The following CORIN variants were observed in gnomAD, a reference collection of about 807,000 sequenced individuals.
The protein encoded by CORIN is atrial natriuretic peptide-converting enzyme.
In CORIN, 117 loss-of-function variants were observed where a neutral mutation model predicts 125.3. That is an observed-to-expected ratio of 0.93 (90% CI 0.80 to 1.09). The LOEUF (loss-of-function observed/expected upper bound fraction) is 1.09. Ranked by LOEUF, CORIN falls within the 50% of genes least tolerant of loss-of-function variation. The pLI is 0.00. For synonymous variants in CORIN, 450 were observed against 466.4 expected (o/e 0.96, Z 0.45); for missense variants, 1,253 against 1,306.7 (o/e 0.96, Z 0.63).
intron 4 of CORIN, among the ~76,000 whole-genome samples, chr4:47,750,262 G>A (rs1054757194): frequency 3.3e-5 from 5 of 152,172 alleles, no homozygotes; most frequent in Non-Finnish European, 2.9e-5. Flanking sequence ...TCCACTAAAC[G>A]TGGGGATGGA....
chr4:47,643,671 A>G (rs914814923), intron 14 of CORIN, among the ~76,000 whole-genome samples: 2 of 152,144 alleles, frequency 1.3e-5, no homozygotes, highest in African/African-American at 4.8e-5. Context: ...TTCCATCTCT[A>G]TTATTAAATG....
chr4:47,786,688 A>G (rs780421298), intron 3 of CORIN, 37 bp downstream of exon 3: 5 of 1,551,042 alleles, frequency 3.2e-6, no homozygotes, highest in Admixed American at 3.5e-5. Context: ...CCTGTGGGAC[A>G]TTAAAAGCCT....
At chr4:47,760,078 A>G (rs1054601011) in intron 4 of CORIN, among the ~76,000 whole-genome samples, 1 of 152,218 alleles carries the variant, frequency 6.6e-6, no homozygotes, top group African/African-American at 2.4e-5. Flanking sequence ...TTCTTTGCCC[A>G]GATCCATTAG....
intron 3 of CORIN, among the ~76,000 whole-genome samples, chr4:47,779,460 G>C (rs1460987111): frequency 1.4e-5 from 2 of 146,822 alleles, no homozygotes; most frequent in African/African-American, 2.5e-5. Context: ...TTTTTTAGAT[G>C]GAGTTTTGCT....
chr4:47,609,764 A>G (rs573806714), intron 19 of CORIN, among the ~76,000 whole-genome samples: 1 of 151,592 alleles, frequency 6.6e-6, no homozygotes, highest in South Asian at 2.1e-4. Context: ...ACCCACCCCT[A>G]CCCCCAACAG....
chr4:47,629,330 C>T (rs887044270), intron 16 of CORIN, among the ~76,000 whole-genome samples: 1 of 152,098 alleles, frequency 6.6e-6, no homozygotes, highest in Non-Finnish European at 1.5e-5. Context: ...GTTGGCCATT[C>T]TATGTCTTCC....
chr4:47,768,528 AAAATTACACCTT>A (rs1729871056), intron 3 of CORIN, among the ~76,000 whole-genome samples: 1 of 152,240 alleles, frequency 6.6e-6, no homozygotes, highest in Non-Finnish European at 1.5e-5. Context: ...ACAAGAGAAG[AAAATTACACCTT>A]AATAACTTTG....
In CORIN at chr4:47,661,860, G is replaced by C; in HGVS notation, c.1590-4C>G. 1 of 1,586,546 alleles carries C rather than the reference G, an allele frequency of 6.3e-7. No individual in the cohort carries two copies. Among genetic ancestry groups the C allele is most frequent in the Non-Finnish European group, 8.6e-7 (1 of 1,164,570 alleles). On this transcript the variant is annotated splice_polypyrimidine_tract_variant and splice_region_variant and intron_variant, in intron 11 of 21. Transcript: ENST00000273857. Reference sequence around the variant, plus strand: ...TTTAGAGTGTTCACACAATGCCCTAGATGAACAAGAAAGACAAAACATTAG... The same window carrying C: ...TTTAGAGTGTTCACACAATGCCCTACATGAACAAGAAAGACAAAACATTAG...
At chr4:47,742,817 G>A (rs944278295) in intron 5 of CORIN, among the ~76,000 whole-genome samples, 1 of 152,046 alleles carries the variant, frequency 6.6e-6, no homozygotes, top group African/African-American at 2.4e-5. Flanking sequence ...GAAGAACAAA[G>A]ATAGAGGACA....
intron 5 of CORIN, among the ~76,000 whole-genome samples, chr4:47,717,694 T>C (rs560763896): frequency 6.6e-6 from 1 of 152,338 alleles, no homozygotes; most frequent in East Asian, 1.9e-4. Flanking sequence ...ATTTCTCAAG[T>C]ATTTTAGTCT....
intron 19 of CORIN, among the ~76,000 whole-genome samples, chr4:47,611,134 T>C (rs867884878): frequency 1.3e-5 from 2 of 152,206 alleles, no homozygotes; most frequent in Admixed American, 6.5e-5. Context: ...CTGTGAAGAA[T>C]GTCAATGGCA....
chr4:47,781,066 A>G (rs1265166716), intron 3 of CORIN, among the ~76,000 whole-genome samples: 1 of 152,136 alleles, frequency 6.6e-6, no homozygotes, highest in African/African-American at 2.4e-5. Flanking sequence ...AAATGACAGA[A>G]GTAGGTCTTC....
chr4:47,796,583 A>T (rs1731302132), intron 2 of CORIN, among the ~76,000 whole-genome samples: 1 of 152,074 alleles, frequency 6.6e-6, no homozygotes, highest in Admixed American at 6.6e-5. Context: ...TGTTCTTATC[A>T]TGGAAAAAAA....
At chr4:47,700,004 T>A (rs1726214968) in intron 5 of CORIN, among the ~76,000 whole-genome samples, 1 of 152,162 alleles carries the variant, frequency 6.6e-6, no homozygotes, top group African/African-American at 2.4e-5. Flanking sequence ...CATCATGGAT[T>A]AAAGGGGTGT....
intron 5 of CORIN, among the ~76,000 whole-genome samples, chr4:47,704,624 T>C (rs1726464562): frequency 6.6e-6 from 1 of 152,116 alleles, no homozygotes; most frequent in African/African-American, 2.4e-5. Flanking sequence ...GGGAACGCAT[T>C]GAGCAGATAA....
intron 9 of CORIN, 24 bp from the exon 10 acceptor site, chr4:47,674,524 T>C (rs1724925996): frequency 2.1e-6 from 3 of 1,414,764 alleles, no homozygotes; most frequent in East Asian, 2.3e-5. Context: ...AAAAGGCACA[T>C]TGGCTTTCAT....
intron 6 of CORIN, among the ~76,000 whole-genome samples, chr4:47,686,875 T>C (rs907925012): frequency 2.2e-4 from 34 of 152,168 alleles, no homozygotes; most frequent in African/African-American, 7.5e-4. Context: ...GGGAATCAAA[T>C]ACCCCTTTCA....
chr4:47,775,404 T>C (rs1730251902), intron 3 of CORIN, among the ~76,000 whole-genome samples: 1 of 152,094 alleles, frequency 6.6e-6, no homozygotes, highest in Non-Finnish European at 1.5e-5. Context: ...GTGTGTGATG[T>C]TCCCCATCCT....
chr4:47,666,045 C>T (rs1290162334), intron 10 of CORIN, among the ~76,000 whole-genome samples: 1 of 152,158 alleles, frequency 6.6e-6, no homozygotes, highest in East Asian at 1.9e-4. Context: ...GTTCTAGCTG[C>T]CAGGGCCATA....
Sources: allele counts gnomAD v4.1 joint callset (sites outside exome capture counted in the v4.1 genomes callset), GRCh38; gene constraint gnomAD v4.1.1; transcripts MANE v1.5; gene names NCBI Gene and HGNC (gene_info 2026-07-23, HGNC 2026-07-21).